Variants in ARPC3 observed in about 807,000 individuals in gnomAD.
ARPC3 encodes actin related protein 2/3 complex subunit 3, also known as actin-related protein 2/3 complex subunit 3.
Under a neutral mutation model 27.6 loss-of-function variants are expected in ARPC3, and 12 were observed. The observed-to-expected ratio is 0.43, with a 90% CI of 0.28 to 0.70. ARPC3 has a LOEUF of 0.70. ARPC3 is among the 30% of genes least tolerant of loss of function. The pLI is 0.17. For synonymous variants in ARPC3, 53 were observed against 67.2 expected (o/e 0.79, Z 1.03); for missense variants, 153 against 207.7 (o/e 0.74, Z 1.62).
chr12:110,436,411 G>A (rs898020033), intron 5 of ARPC3, 146 bp downstream of exon 5: 13 of 1,401,612 alleles, frequency 9.3e-6, no homozygotes, highest in Non-Finnish European at 1.3e-5. Flanking sequence ...AGAATCGTTT[G>A]TGAGAGTGAC....
chr12:110,446,120 A>G (rs1361699348), intron 1 of ARPC3, among the ~76,000 whole-genome samples: 4 of 151,618 alleles, frequency 2.6e-5, no homozygotes, highest in Admixed American at 6.6e-5. Context: ...AAAAAAGTAA[A>G]TAATGTTAAA....
At chr12:110,443,672 A>G (rs1260886525) in intron 2 of ARPC3, among the ~76,000 whole-genome samples, 1 of 151,280 alleles carries the variant, frequency 6.6e-6, no homozygotes, top group Non-Finnish European at 1.5e-5. Flanking sequence ...ACCTGAGGCA[A>G]TCTGCCCGCC....
Position 110,435,051 on chromosome 12 carries a change from C to G in ARPC3, c.*104G>C. The G allele has an allele frequency of 5.7e-6, 5 of 883,572 alleles. No individual in the cohort carries two copies. The highest frequency in any genetic ancestry group is 9.5e-6 in the Non-Finnish European group (5 of 528,988). 54.7% of individuals were successfully genotyped at this position (883,572 alleles called of 1,614,324 possible). Reference sequence around the variant, plus strand: ...GTTTTTCAAGTAAAGACATGCTCTTCTCTCTTCTGTATAAAACTTTACGAA... The same window carrying G: ...GTTTTTCAAGTAAAGACATGCTCTTGTCTCTTCTGTATAAAACTTTACGAA... On this transcript the variant is annotated 3_prime_UTR_variant, in exon 7 of 7. Transcript: ENST00000228825.
In ARPC3 at chr12:110,440,305, A is replaced by C; in HGVS notation, c.183+7T>G. The C allele has an allele frequency of 6.3e-7, 1 of 1,581,134 alleles. No individual in the cohort carries two copies. The highest frequency in any genetic ancestry group is 8.7e-7 in the Non-Finnish European group (1 of 1,150,662). On this transcript the variant is annotated splice_region_variant and intron_variant, in intron 3 of 6. Coordinates refer to ENST00000228825, the MANE Select transcript of ARPC3 (RefSeq NM_001278556.2). ...CTAAGTTAAATATTAAAAGCTCCGT[A>C]ATTTACCTTAATTTCATAGTTTTTG... is the stretch of plus-strand genomic sequence containing the variant.
At position 110,439,298 on chromosome 12, in the gene ARPC3, G is replaced by A. The variant is rs1029980349; in HGVS notation, c.183+1014C>T. Among the ~76,000 whole-genome samples, 7 of 148,304 alleles carry A rather than the reference G, an allele frequency of 4.7e-5. No homozygotes were observed. In the East Asian group the frequency reaches 8.8e-4, roughly 19 times the overall value. On this transcript the variant is annotated intron_variant, in intron 3 of 6. Coordinates refer to ENST00000228825, the MANE Select transcript of ARPC3 (RefSeq NM_001278556.2). ...CCATGCACTAATTTTTCTATTTTTT[G>A]TAGAGACGGGGGTTCGCCATGTTGC...
chr12:110,449,210 T>C (rs916706973), intron 1 of ARPC3, among the ~76,000 whole-genome samples: 1 of 152,218 alleles, frequency 6.6e-6, no homozygotes, highest in East Asian at 1.9e-4. Flanking sequence ...GTTGAACTTA[T>C]TTGCTGCTGT....
intron 2 of ARPC3, among the ~76,000 whole-genome samples, chr12:110,440,845 C>T (rs1411235765): frequency 8.1e-6 from 1 of 123,956 alleles, no homozygotes; most frequent in African/African-American, 3.1e-5. Context: ...CGTGCCCAGC[C>T]TTTGTTTTTT....
intron 1 of ARPC3, among the ~76,000 whole-genome samples, chr12:110,446,159 CTTT>C (rs1301415471): frequency 7.1e-6 from 1 of 140,718 alleles, no homozygotes; most frequent in Non-Finnish European, 1.6e-5. Flanking sequence ...TTCATCACTT[CTTT>C]TTTTTTTTTT....
rs1198272695 is a variant in ARPC3 at position 110,448,786 on chromosome 12, G to C, written c.6+1469C>G. ...TCTAGCTTCTTTTTTTCCGGGGGGGGGGGGGGTGGTGGTACAGAGTCTCAC... is the reference window on the plus strand; with the variant it reads ...TCTAGCTTCTTTTTTTCCGGGGGGGCGGGGGGTGGTGGTACAGAGTCTCAC... On this transcript the variant is annotated intron_variant, in intron 1 of 6. Transcript: ENST00000228825. 3.1e-4 allele frequency among the ~76,000 whole-genome samples: 34 copies of C among 109,400 alleles called. 3 individuals are homozygous for C. Among genetic ancestry groups the C allele is most frequent in the African/African-American group, 1.0e-3 (27 of 26,720 alleles). 71.8% of individuals were successfully genotyped at this position (109,400 alleles called of 152,430 possible).
In ARPC3 at chr12:110,445,696, A is replaced by C. The variant is rs181527177; in HGVS notation, c.7-145T>G. ...GAAGGGATAGCAGCATTGAGGTGCG[A>C]GGGCTGGTTCTTTCTGGCTCAAGAA... On this transcript the variant is annotated intron_variant, in intron 1 of 6. Coordinates refer to ENST00000228825, the MANE Select transcript of ARPC3 (RefSeq NM_001278556.2). 282 of 698,296 alleles carry C rather than the reference A, an allele frequency of 4.0e-4. 2 individuals are homozygous for C. The African/African-American group carries it at 4.7e-3, about 12-fold the overall frequency. 43.3% of individuals were successfully genotyped at this position (698,296 alleles called of 1,614,324 possible). A position where few individuals can be genotyped will look rare whatever the true frequency, so the allele number is the denominator to read the frequency against.
In ARPC3 at chr12:110,450,249, C is replaced by T; in HGVS notation, c.6+6G>A. The T allele has an allele frequency of 6.2e-7, 1 of 1,614,146 alleles. No homozygotes were observed. Among genetic ancestry groups the T allele is most frequent in the Non-Finnish European group, 8.5e-7 (1 of 1,179,990 alleles). ...TGTCTCCCCACACCGTGGATCGAAC[C>T]CTCACCGGCATCTTGGCGGCGCCCG... On this transcript the variant is annotated splice_donor_region_variant and intron_variant, in intron 1 of 6. Transcript: ENST00000228825.
intron 2 of ARPC3, chr12:110,445,231 T>G (rs1368789258): frequency 1.9e-6 from 1 of 528,468 alleles, no homozygotes; most frequent in Non-Finnish European, 3.4e-6. Context: ...CTCCATTTTC[T>G]CAAAAGAGTT....
At chr12:110,449,564 A>G (rs78341143) in intron 1 of ARPC3, among the ~76,000 whole-genome samples, 2,458 of 152,232 alleles carry the variant, frequency 0.016, 35 homozygotes, top group South Asian at 0.054. Flanking sequence ...TCTCTCAAAA[A>G]ACAAACAACA....
At chr12:110,441,947 G>A (rs371281040) in intron 2 of ARPC3, among the ~76,000 whole-genome samples, 4 of 151,272 alleles carry the variant, frequency 2.6e-5, no homozygotes, top group African/African-American at 9.7e-5. Flanking sequence ...CAGGAGAATC[G>A]CTTGAACTCG....
At chr12:110,436,709 T>TAC (rs777146647) in intron 4 of ARPC3, 26 bp from the exon 5 acceptor site, 441 of 546,218 alleles carry the variant, frequency 8.1e-4, no homozygotes, top group African/African-American at 6.2e-3. Flanking sequence ...TATATATATA[T>TAC]ATACACACAC....
At chr12:110,436,048 T>G in intron 6 of ARPC3, 62 bp downstream of exon 6, 1 of 1,291,608 alleles carries the variant, frequency 7.7e-7, no homozygotes, top group Non-Finnish European at 1.1e-6. Context: ...CTTAGTGTGT[T>G]CAATGGTGGC....
At chr12:110,436,782 T>C in intron 4 of ARPC3, 99 bp from the exon 5 acceptor site, 1 of 1,016,570 alleles carries the variant, frequency 9.8e-7, no homozygotes, top group East Asian at 2.6e-5. Context: ...AAGAATTCTA[T>C]CCTTGGACCC....
At chr12:110,437,575 C>T (rs182838389) in intron 3 of ARPC3, among the ~76,000 whole-genome samples, 28 of 152,216 alleles carry the variant, frequency 1.8e-4, no homozygotes, top group Non-Finnish European at 3.4e-4. Context: ...ACCATGTTGG[C>T]CAGGTTGGTC....
chr12:110,436,258 CT>C lies in ARPC3; in HGVS notation c.380-55del, dbSNP rs2062403275. 48 of 1,397,938 alleles carry C rather than the reference CT, an allele frequency of 3.4e-5. No homozygotes were observed. The South Asian group carries it at 4.3e-4, about 12-fold the overall frequency. 86.6% of individuals were successfully genotyped at this position (1,397,938 alleles called of 1,614,324 possible). ...TATTTGCAAATACATCCCAAATGTA[CT>C]GGTTGCAGCTCTGGATGCTCACTGT... On this transcript the variant is annotated intron_variant, in intron 5 of 6. Coordinates refer to ENST00000228825, the MANE Select transcript of ARPC3 (RefSeq NM_001278556.2).
Sources: gnomAD v4.1 joint callset for allele counts (sites outside exome capture counted in the v4.1 genomes callset) on GRCh38, gnomAD v4.1.1 for gene constraint, MANE v1.5 for transcripts, NCBI Gene and HGNC (gene_info 2026-07-23, HGNC 2026-07-21) for gene names.